Variants in HFM1 observed in about 807,000 individuals in gnomAD.
The protein encoded by HFM1 is probable ATP-dependent DNA helicase HFM1.
HFM1 carries 169 observed loss-of-function variants against 192.1 expected under a neutral mutation model. The ratio of observed to expected loss-of-function variants is 0.88; its 90% CI spans 0.78 to 1.00. The LOEUF is 1.00. HFM1 is among the 50% of genes least tolerant of loss of function. The pLI, the probability that HFM1 is intolerant of heterozygous loss-of-function variation, is 0.00. For missense variants in HFM1, 1,661 were observed against 1,668.0 expected, an observed-to-expected ratio of 1.00 and a Z score of 0.07; for synonymous variants, 525 against 537.8, an observed-to-expected ratio of 0.98 and a Z score of 0.33.
chr1:91,350,384 C>T (rs1382042444), intron 18 of HFM1, among the ~76,000 whole-genome samples: 2 of 152,074 alleles, frequency 1.3e-5, no homozygotes, highest in African/African-American at 2.4e-5. Flanking sequence ...CAGTCATAAA[C>T]TCAGAAAAAG....
chr1:91,311,603 G>A (rs1477939396), intron 30 of HFM1, among the ~76,000 whole-genome samples: 2 of 151,018 alleles, frequency 1.3e-5, no homozygotes, highest in Non-Finnish European at 2.9e-5. Context: ...TCCAGCCTGG[G>A]TGACAGAGTG....
In HFM1 at chr1:91,378,340, T is replaced by C; in HGVS notation, c.1236+63A>G. Reference sequence around the variant, plus strand: ...ATATAGTTTGGTTGCAATGTCTTTTTTCTTTCTGTCTTATTCTAATTATCC... The same window carrying C: ...ATATAGTTTGGTTGCAATGTCTTTTCTCTTTCTGTCTTATTCTAATTATCC... On this transcript the variant is annotated intron_variant, in intron 10 of 38. Transcript: ENST00000370425. 5.0e-6 allele frequency: 7 copies of C among 1,396,442 alleles called. No individual in the cohort carries two copies. In the South Asian group the frequency reaches 7.6e-5, roughly 15 times the overall value. The allele number at this position is 1,396,442 out of a possible 1,614,324, so 86.5% of individuals were successfully genotyped here. A position where few individuals can be genotyped will look rare whatever the true frequency, so the allele number is the denominator to read the frequency against.
chr1:91,364,791 G>A lies in HFM1; in HGVS notation c.1685+10567C>T, dbSNP rs1040732626. Among the ~76,000 whole-genome samples the A allele has an allele frequency of 8.6e-5, 13 of 151,140 alleles. 1 individual carries two copies. In the East Asian group the frequency reaches 2.2e-3, roughly 25 times the overall value. ...TGGGACTACAGGCACCAGCCACCAC[G>A]CCCGGCTAATTTTTTGTATTTTTAG... On this transcript the variant is annotated intron_variant, in intron 13 of 38. Transcript: ENST00000370425.
Position 91,328,261 on chromosome 1 carries a change from C to G in HFM1, c.2336-3495G>C. 4.3e-6 allele frequency: 3 copies of G among 693,438 alleles called. No individual in the cohort carries two copies. In the South Asian group the frequency reaches 9.1e-5, roughly 21 times the overall value. 43.0% of individuals were successfully genotyped at this position (693,438 alleles called of 1,614,324 possible). A position where few individuals can be genotyped will look rare whatever the true frequency, so the allele number is the denominator to read the frequency against. ...AAGAAGGGCTGAGTGTCAGGCGACC[C>G]GCAGCTAAGCTGAGGGGGGAAAGTG... On this transcript the variant is annotated intron_variant, in intron 20 of 38. Transcript: ENST00000370425.
intron 20 of HFM1, among the ~76,000 whole-genome samples, chr1:91,336,125 G>A (rs917865482): frequency 1.4e-5 from 2 of 143,636 alleles, no homozygotes; most frequent in Admixed American, 7.1e-5. Flanking sequence ...ATCCTCCTTG[G>A]AGGCTAAAAT....
intron 34 of HFM1, among the ~76,000 whole-genome samples, chr1:91,271,166 C>A (rs552396675): frequency 6.6e-6 from 1 of 152,226 alleles, no homozygotes; most frequent in Non-Finnish European, 1.5e-5. Flanking sequence ...AAACACATGA[C>A]TCAAATGAGG....
intron 4 of HFM1, 58 bp downstream of exon 4, chr1:91,394,035 A>G: frequency 1.1e-6 from 1 of 936,782 alleles, no homozygotes; most frequent in Non-Finnish European, 1.6e-6. Flanking sequence ...ATACTTTTAT[A>G]TGTACAAATA....
Position 91,385,561 on chromosome 1 carries a change from A to G in HFM1, c.754+14T>C. On this transcript the variant is annotated intron_variant, in intron 5 of 38. Transcript: ENST00000370425. Reference sequence around the variant, plus strand: ...TCTGTACTCATAAAATGAACTGAAAAAGCAAGAAATTACCTTGAATATCAT... The same window carrying G: ...TCTGTACTCATAAAATGAACTGAAAGAGCAAGAAATTACCTTGAATATCAT... The G allele has an allele frequency of 6.2e-7, 1 of 1,602,014 alleles. No individual in the cohort carries two copies. The highest frequency in any genetic ancestry group is 1.7e-5 in the Admixed American group (1 of 58,842).
chr1:91,347,110 T>TA (rs974784701), intron 19 of HFM1, among the ~76,000 whole-genome samples: 3 of 151,620 alleles, frequency 2.0e-5, no homozygotes, highest in South Asian at 2.1e-4. Context: ...CTGTCTCTTT[T>TA]AAAAAAAAGA....
intron 30 of HFM1, among the ~76,000 whole-genome samples, chr1:91,309,282 A>C (rs185808344): frequency 6.6e-5 from 10 of 152,356 alleles, no homozygotes; most frequent in Admixed American, 3.3e-4. Flanking sequence ...CTGAATAAGA[A>C]AGAGCTGTAA....
At chr1:91,356,986 C>G (rs1248212357) in intron 13 of HFM1, among the ~76,000 whole-genome samples, 1 of 151,970 alleles carries the variant, frequency 6.6e-6, no homozygotes, top group Non-Finnish European at 1.5e-5. Flanking sequence ...AAGGAAAAGC[C>G]CAGAACCAGA....
chr1:91,326,034 A>G (rs1652845540), intron 20 of HFM1, among the ~76,000 whole-genome samples: 1 of 152,140 alleles, frequency 6.6e-6, no homozygotes, highest in South Asian at 2.1e-4. Flanking sequence ...AGTGAGCTTG[A>G]AGACAGGATA....
At chr1:91,277,781 T>C (rs867959521) in intron 30 of HFM1, among the ~76,000 whole-genome samples, 2,965 of 123,584 alleles carry the variant, frequency 0.024, 156 homozygotes, top group African/African-American at 0.092. Context: ...ATATATAATG[T>C]ATATACTTTA....
In HFM1 at chr1:91,346,507, GCTTTAT is replaced by G. The variant is rs1237853173; in HGVS notation, c.2254+916_2254+921del. On this transcript the variant is annotated intron_variant, in intron 19 of 38. Transcript: ENST00000370425. ...ATTCTTTAAGCAAGACAATTTTACT[GCTTTAT>G]CTTTATCTCTGCATTTTTATTTGCC... Among the ~76,000 whole-genome samples, 4 of 152,128 alleles carry G rather than the reference GCTTTAT, an allele frequency of 2.6e-5. No homozygotes were observed. The East Asian group carries it at 7.7e-4, about 29-fold the overall frequency.
At chr1:91,393,841 A>C (rs1663302129) in intron 4 of HFM1, among the ~76,000 whole-genome samples, 1 of 152,106 alleles carries the variant, frequency 6.6e-6, no homozygotes, top group Non-Finnish European at 1.5e-5. Context: ...AATTTGTTAA[A>C]AATGAAGATT....
chr1:91,390,204 G>A (rs189926181), intron 4 of HFM1, among the ~76,000 whole-genome samples: 240 of 152,282 alleles, frequency 1.6e-3, no homozygotes, highest in Non-Finnish European at 3.0e-3. Flanking sequence ...CTGGGAGGCC[G>A]AGGCAGACAG....
intron 30 of HFM1, among the ~76,000 whole-genome samples, chr1:91,282,442 C>T (rs1487177957): frequency 6.6e-6 from 1 of 152,068 alleles, no homozygotes; most frequent in Non-Finnish European, 1.5e-5. Flanking sequence ...TATCCTGTTG[C>T]TCTTTCATCC....
chr1:91,394,125 A>G lies in HFM1; in HGVS notation c.462T>C (p.Asp154=). Residue 154 remains aspartate, a synonymous_variant, in exon 4 of 39, where the codon GAT becomes GAC. Transcript: ENST00000370425. The part of the protein sequence containing the change: ...DDTKLVNFAE[D]KGESTSVFRK... ...GGAATACTGATGTGCTCTCTCCTTT[A>G]TCTTCTGCAAAATTAACTAATTTTG... 6.2e-7 allele frequency: 1 copy of G among 1,600,792 alleles called. No individual in the cohort carries two copies. Among genetic ancestry groups the G allele is most frequent in the Non-Finnish European group, 8.5e-7 (1 of 1,170,086 alleles).
Position 91,316,645 on chromosome 1 carries a change from C to G in HFM1, c.2813-169G>C, listed in dbSNP as rs941455331. ...TTCAGTTGGATTATTGGGTTTGTGA[C>G]ATTATTCAATTATTCATATTTATTC... On this transcript the variant is annotated intron_variant, in intron 25 of 38. Transcript: ENST00000370425. 2.3e-4 allele frequency among the ~76,000 whole-genome samples: 35 copies of G among 151,830 alleles called. 1 individual carries two copies. Among genetic ancestry groups the G allele is most frequent in the African/African-American group, 8.5e-4 (35 of 41,326 alleles).
Sources: gnomAD v4.1 joint callset for allele counts (sites outside exome capture counted in the v4.1 genomes callset) on GRCh38, gnomAD v4.1.1 for gene constraint, MANE v1.5 for transcripts, NCBI Gene and HGNC (gene_info 2026-07-23, HGNC 2026-07-21) for gene names.